The following PDSS2 variants were observed in gnomAD, a reference collection of about 807,000 sequenced individuals.
The protein encoded by PDSS2 is decaprenyl diphosphate synthase subunit 2.
Under a neutral mutation model 44.5 loss-of-function variants are expected in PDSS2, and 31 were observed. The observed-to-expected ratio is 0.70, with a 90% CI of 0.52 to 0.94. The LOEUF is 0.94. Among genes scored for constraint, PDSS2 ranks in the 40% least tolerant of loss-of-function variants. The probability of loss-of-function intolerance (pLI) is 0.00; values close to 1 mark genes in which losing one functional copy is unlikely to be tolerated. For missense variants in PDSS2, 452 were observed against 482.2 expected (o/e 0.94, Z 0.59); for synonymous variants, 157 against 180.3 (o/e 0.87, Z 1.03).
intron 7 of PDSS2, among the ~76,000 whole-genome samples, chr6:107,167,966 G>A (rs201740006): frequency 6.6e-6 from 1 of 152,158 alleles, no homozygotes; most frequent in African/African-American, 2.4e-5. Flanking sequence ...GATCTGGGGT[G>A]GAGAGTTCTG....
chr6:107,183,113 G>C (rs1772041187), intron 7 of PDSS2, among the ~76,000 whole-genome samples: 1 of 151,818 alleles, frequency 6.6e-6, no homozygotes, highest in Non-Finnish European at 1.5e-5. Flanking sequence ...TTGCAAAGCT[G>C]AGGTGGGAGG....
chr6:107,348,623 T>C (rs1217903626), intron 1 of PDSS2, among the ~76,000 whole-genome samples: 4 of 152,258 alleles, frequency 2.6e-5, no homozygotes, highest in Non-Finnish European at 4.4e-5. Context: ...TTTATTTCAA[T>C]GTGTTGACCT....
intron 1 of PDSS2, among the ~76,000 whole-genome samples, chr6:107,390,419 T>A (rs749909213): frequency 7.9e-5 from 12 of 152,242 alleles, no homozygotes; most frequent in Non-Finnish European, 1.5e-4. Flanking sequence ...CACAAAATAG[T>A]TGACCAATAC....
Position 107,334,358 on chromosome 6 carries a change from G to C in PDSS2, c.297-26C>G, listed in dbSNP as rs1357856113. The C allele has an allele frequency of 3.1e-6, 5 of 1,608,820 alleles. No homozygotes were observed. The South Asian group carries it at 5.5e-5, about 18-fold the overall frequency. ...CTGCCAACAAGCAAAGAAGGAAGAG[G>C]ATTAATATACCCTCACGAGATCATC... On this transcript the variant is annotated intron_variant, in intron 1 of 7. Coordinates refer to ENST00000369037, the MANE Select transcript of PDSS2 (RefSeq NM_020381.4).
chr6:107,223,334 A>G (rs1773680774), intron 4 of PDSS2, among the ~76,000 whole-genome samples: 1 of 150,990 alleles, frequency 6.6e-6, no homozygotes, highest in South Asian at 2.1e-4. Context: ...GTTTGAGACC[A>G]GCCTGGGCAA....
intron 7 of PDSS2, among the ~76,000 whole-genome samples, chr6:107,172,138 A>G (rs1771602107): frequency 6.6e-6 from 1 of 152,220 alleles, no homozygotes; most frequent in Non-Finnish European, 1.5e-5. Context: ...TAACAAAGAG[A>G]GAAGAGGATA....
chr6:107,170,260 G>A (rs1338894888), intron 7 of PDSS2, among the ~76,000 whole-genome samples: 16 of 152,274 alleles, frequency 1.1e-4, no homozygotes, highest in East Asian at 7.7e-4. Flanking sequence ...TTCCAAGGGC[G>A]TGGGATCCTC....
chr6:107,154,540 G>T lies in PDSS2; in HGVS notation c.*79C>A. ...TGCATATGTTTTAAAAGTCATTAAC[G>T]CATCGTGAAAGCGCTCCCAATCAAC... On this transcript the variant is annotated 3_prime_UTR_variant, in exon 8 of 8. Transcript: ENST00000369037. 5.5e-6 allele frequency: 7 copies of T among 1,263,180 alleles called. No homozygotes were observed. The South Asian group carries it at 6.0e-5, about 11-fold the overall frequency. 78.2% of individuals were successfully genotyped at this position (1,263,180 alleles called of 1,614,324 possible). A position where few individuals can be genotyped will look rare whatever the true frequency, so the allele number is the denominator to read the frequency against.
In PDSS2 at chr6:107,413,623, C is replaced by T. The variant is rs980812814; in HGVS notation, c.296+45367G>A. Among the ~76,000 whole-genome samples, 4 of 152,094 alleles carry T rather than the reference C, an allele frequency of 2.6e-5. No homozygotes were observed. In the East Asian group the frequency reaches 7.7e-4, roughly 29 times the overall value. On this transcript the variant is annotated intron_variant, in intron 1 of 7. Coordinates refer to ENST00000369037, the MANE Select transcript of PDSS2 (RefSeq NM_020381.4). The stretch of plus-strand genomic sequence containing the variant: ...GGGATTACAGATGTGTGCCACCATG[C>T]CCGGCTAATTTTTGTATTTTTAGTA...
intron 6 of PDSS2, among the ~76,000 whole-genome samples, chr6:107,207,987 T>TTG (rs1554254009): frequency 2.1e-5 from 3 of 144,102 alleles, no homozygotes; most frequent in Admixed American, 6.9e-5. Flanking sequence ...TGTTTTTTTT[T>TTG]TTTTTTTTTT....
At chr6:107,296,668 A>T (rs1257987003) in intron 2 of PDSS2, among the ~76,000 whole-genome samples, 1 of 152,238 alleles carries the variant, frequency 6.6e-6, no homozygotes, top group East Asian at 1.9e-4. Flanking sequence ...CGGAGGTTGC[A>T]GTGAGCCAAG....
chr6:107,162,620 T>TG (rs1771186553), intron 7 of PDSS2, among the ~76,000 whole-genome samples: 1 of 137,934 alleles, frequency 7.2e-6, no homozygotes, highest in Admixed American at 7.0e-5. Context: ...ATTTTTTTTT[T>TG]TTTTTGAGAT....
At chr6:107,356,541 T>A (rs541720913) in intron 1 of PDSS2, among the ~76,000 whole-genome samples, 2 of 152,276 alleles carry the variant, frequency 1.3e-5, no homozygotes, top group South Asian at 4.1e-4. Context: ...CTAAAAAGAA[T>A]AAAAATGAAT....
intron 1 of PDSS2, among the ~76,000 whole-genome samples, chr6:107,443,898 C>G (rs1395847036): frequency 6.6e-6 from 1 of 152,132 alleles, no homozygotes; most frequent in Admixed American, 6.6e-5. Context: ...GTATGTCTCC[C>G]CACGAAAATG....
intron 2 of PDSS2, among the ~76,000 whole-genome samples, chr6:107,292,059 T>A (rs1210526754): frequency 6.6e-6 from 1 of 152,000 alleles, no homozygotes; most frequent in East Asian, 1.9e-4. Context: ...TAAGTTATAG[T>A]ATACAGAAAA....
intron 1 of PDSS2, among the ~76,000 whole-genome samples, chr6:107,438,514 C>T (rs1427632227): frequency 2.0e-5 from 3 of 152,176 alleles, no homozygotes; most frequent in Non-Finnish European, 4.4e-5. Context: ...CATGCCCGGC[C>T]TGTTTTGATT....
At chr6:107,175,040 T>C (rs894378612) in intron 7 of PDSS2, among the ~76,000 whole-genome samples, 2 of 151,950 alleles carry the variant, frequency 1.3e-5, no homozygotes, top group Non-Finnish European at 2.9e-5. Context: ...TGGTGAAACC[T>C]GTTTCTACTA....
intron 1 of PDSS2, among the ~76,000 whole-genome samples, chr6:107,436,851 T>C (rs1441259616): frequency 6.6e-6 from 1 of 152,056 alleles, no homozygotes; most frequent in African/African-American, 2.4e-5. Context: ...GTACAGTTAT[T>C]ATTTGTCAAT....
At chr6:107,162,722 A>G (rs1313136970) in intron 7 of PDSS2, among the ~76,000 whole-genome samples, 1 of 148,092 alleles carries the variant, frequency 6.8e-6, no homozygotes, top group Non-Finnish European at 1.5e-5. Flanking sequence ...CTCCTGCCTC[A>G]GCCTCCCGAG....
Sources: gnomAD v4.1 joint callset for allele counts (sites outside exome capture counted in the v4.1 genomes callset) on GRCh38, gnomAD v4.1.1 for gene constraint, MANE v1.5 for transcripts, NCBI Gene and HGNC (gene_info 2026-07-23, HGNC 2026-07-21) for gene names.